Variants in CD40 observed in about 807,000 individuals in gnomAD.
CD40 encodes the protein tumor necrosis factor receptor superfamily member 5.
Under a neutral mutation model 38.5 loss-of-function variants are expected in CD40, and 19 were observed. The observed-to-expected ratio is 0.49, with a 90% CI of 0.34 to 0.72. The LOEUF (loss-of-function observed/expected upper bound fraction) is 0.72. CD40 is among the 30% of genes least tolerant of loss of function. CD40 has a pLI of 0.01. For missense variants in CD40, 256 were observed against 344.1 expected, an observed-to-expected ratio of 0.74 and a Z score of 2.03; for synonymous variants, 130 against 128.7, an observed-to-expected ratio of 1.01 and a Z score of -0.07.
chr20:46,129,763 G>C lies in CD40; in HGVS notation c.*723G>C, dbSNP rs1340166481. The C allele has an allele frequency of 6.6e-6, 1 of 152,182 alleles. No homozygotes were observed. The highest frequency in any genetic ancestry group is 2.1e-4 in the South Asian group (1 of 4,816). The allele number at this position is 152,182 out of a possible 1,614,324, so 9.4% of individuals were successfully genotyped here. A position where few individuals can be genotyped will look rare whatever the true frequency, so the allele number is the denominator to read the frequency against. ...TCTGGGGGAGGGTTGGTTAAAGGGA[G>C]ATTTGGCTTTCCCATAATGCTTCAT... On this transcript the variant is annotated 3_prime_UTR_variant, in exon 9 of 9. Transcript: ENST00000372285.
In CD40 at chr20:46,122,367, G is replaced by A. The variant is rs760140481; in HGVS notation, c.256+9G>A. ...CAAATACTGCGACCCCAGTGCGTGC[G>A]CTGTTGGGAAAGGGACGCTTGGGAA... On this transcript the variant is annotated intron_variant, in intron 3 of 8. Transcript: ENST00000372285. The surrounding 1 kb of genome is among the most constrained non-coding windows in gnomAD (Gnocchi z 5.0). 6.2e-7 allele frequency: 1 copy of A among 1,614,168 alleles called. No homozygotes were observed. The highest frequency in any genetic ancestry group is 1.7e-5 in the Admixed American group (1 of 60,026).
intron 5 of CD40, among the ~76,000 whole-genome samples, chr20:46,125,717 G>T (rs1234113234): frequency 6.6e-6 from 1 of 152,004 alleles, no homozygotes; most frequent in Non-Finnish European, 1.5e-5. Context: ...CTATATGTTT[G>T]CTGTGTCTCC....
rs745551504 is a variant in CD40, at chr20:46,123,180, A to G, written c.458A>G (p.Asn153Ser). 18 of 1,614,194 alleles carry G rather than the reference A, an allele frequency of 1.1e-5. No homozygotes were observed. Among genetic ancestry groups the G allele is most frequent in the Non-Finnish European group, 1.4e-5 (17 of 1,180,022 alleles). ...CEPCPVGFFS[N>S]VSSAFEKCHP... ...CCCTGCCCAGTCGGCTTCTTCTCCAATGTGTCATCTGCTTTCGAAAAATGT... is the reference window on the plus strand; with the variant it reads ...CCCTGCCCAGTCGGCTTCTTCTCCAGTGTGTCATCTGCTTTCGAAAAATGT... The change falls in exon 5 of 9, where the codon AAT (asparagine) becomes AGT (serine). Residue 153 changes from asparagine (N) to serine (S), a missense_variant. Asn to Ser is a conservative substitution (Grantham distance 46, BLOSUM62 1). Coordinates refer to ENST00000372285, the MANE Select transcript of CD40 (RefSeq NM_001250.6).
intron 1 of CD40, among the ~76,000 whole-genome samples, chr20:46,119,088 G>A (rs1251551373): frequency 6.6e-6 from 1 of 152,106 alleles, no homozygotes; most frequent in Non-Finnish European, 1.5e-5. Flanking sequence ...CAGGGCTGGT[G>A]ATCAGAGGGC....
chr20:46,128,473 G>A (rs774187457), intron 8 of CD40, 115 bp downstream of exon 8: 1 of 1,196,696 alleles, frequency 8.4e-7, no homozygotes, highest in South Asian at 1.3e-5. Context: ...CCAGTGGGGT[G>A]GCAGCAGAAT....
chr20:46,120,296 C>A (rs549824309), intron 1 of CD40, among the ~76,000 whole-genome samples: 99 of 152,330 alleles, frequency 6.5e-4, no homozygotes, highest in Non-Finnish European at 1.2e-3. Context: ...CTTCGTAATC[C>A]AACCTGCAGG....
intron 5 of CD40, among the ~76,000 whole-genome samples, 169 bp downstream of exon 5, chr20:46,123,388 AT>A (rs1214531177): frequency 6.6e-6 from 1 of 151,450 alleles, no homozygotes; most frequent in Non-Finnish European, 1.5e-5. Context: ...ACATTTCCAC[AT>A]TTTTTTTGCC....
intron 4 of CD40, 22 bp from the exon 5 acceptor site, chr20:46,123,104 C>A (rs757338322): frequency 1.3e-6 from 2 of 1,579,278 alleles, no homozygotes; most frequent in South Asian, 2.2e-5. Flanking sequence ...TGGTTAATGT[C>A]CCCCTCCCCA....
At chr20:46,119,097 G>A (rs932871449) in intron 1 of CD40, among the ~76,000 whole-genome samples, 5 of 152,190 alleles carry the variant, frequency 3.3e-5, no homozygotes, top group Non-Finnish European at 5.9e-5. Context: ...TGATCAGAGG[G>A]CTGGAGAAAC....
chr20:46,122,769 T>TC lies in CD40; in HGVS notation c.403+14dup. On this transcript the variant is annotated intron_variant, in intron 4 of 8. Coordinates refer to ENST00000372285, the MANE Select transcript of CD40 (RefSeq NM_001250.6). This position sits in a 1 kb window ranked among gnomAD's most constrained non-coding sequence, Gnocchi z 5.0. Reference sequence around the variant, plus strand: ...GTCAAGCAGATTGGTAAGTGGCTCATCTGGGAATCAGTTTTGGAGGGGGAC... The same window carrying TC: ...GTCAAGCAGATTGGTAAGTGGCTCATCCTGGGAATCAGTTTTGGAGGGGGAC... 1.9e-6 allele frequency: 3 copies of TC among 1,614,078 alleles called. No homozygotes were observed. The South Asian group carries it at 3.3e-5, about 18-fold the overall frequency.
intron 5 of CD40, among the ~76,000 whole-genome samples, chr20:46,123,760 T>G (rs2085365630): frequency 6.6e-6 from 1 of 152,210 alleles, no homozygotes; most frequent in Admixed American, 6.5e-5. Flanking sequence ...TCTCCCCTCC[T>G]GCTGGTTCTG....
Position 46,124,751 on chromosome 20 carries a change from G to GTTTTTTTTTTTTTTTTTT in CD40, c.497+1548_497+1565dup, listed in dbSNP as rs780015926. Among the ~76,000 whole-genome samples, 5 of 73,938 alleles carry GTTTTTTTTTTTTTTTTTT rather than the reference G, an allele frequency of 6.8e-5. 1 individual carries two copies. Among genetic ancestry groups the GTTTTTTTTTTTTTTTTTT allele is most frequent in the Non-Finnish European group, 1.2e-4 (5 of 40,988 alleles). 48.5% of individuals were successfully genotyped at this position (73,938 alleles called of 152,430 possible). ...GATAACTGGAGGCACCACTGGTATA[G>GTTTTTTTTTTTTTTTTTT]TTTTTTTTTTTTTTTTTTTTTTTTT... On this transcript the variant is annotated intron_variant, in intron 5 of 8. Coordinates refer to ENST00000372285, the MANE Select transcript of CD40 (RefSeq NM_001250.6).
At chr20:46,121,634 G>A (rs754842166) in intron 1 of CD40, 186 bp from the exon 2 acceptor site, 20 of 665,476 alleles carry the variant, frequency 3.0e-5, no homozygotes, top group Non-Finnish European at 4.7e-5. Flanking sequence ...CTCTGGGTGC[G>A]ATTATAATCA....
At chr20:46,127,964 C>A in intron 6 of CD40, 174 bp from the exon 7 acceptor site, 1 of 1,244,142 alleles carries the variant, frequency 8.0e-7, no homozygotes, top group Non-Finnish European at 1.1e-6. Flanking sequence ...AGAAAATGTT[C>A]TGGCTCCTTT....
At chr20:46,127,683 C>T (rs1251620805) in intron 6 of CD40, among the ~76,000 whole-genome samples, 1 of 152,184 alleles carries the variant, frequency 6.6e-6, no homozygotes, top group Non-Finnish European at 1.5e-5. Flanking sequence ...ATGAGAAATA[C>T]TTTACCTTTC....
chr20:46,121,675 A>G (rs1349442938), intron 1 of CD40, 145 bp from the exon 2 acceptor site: 2 of 753,602 alleles, frequency 2.7e-6, no homozygotes, highest in African/African-American at 1.7e-5. Context: ...GAAAACAAAC[A>G]TGCCAAATAT....
intron 5 of CD40, among the ~76,000 whole-genome samples, chr20:46,126,327 C>T (rs771018724): frequency 3.3e-5 from 5 of 151,174 alleles, no homozygotes; most frequent in Non-Finnish European, 7.4e-5. Flanking sequence ...TGGATTCTGT[C>T]TCCTCTGAAC....
chr20:46,126,392 ACT>A lies in CD40; in HGVS notation c.498-246_498-245del, dbSNP rs2085436623. On this transcript the variant is annotated intron_variant, in intron 5 of 8. Transcript: ENST00000372285. ...TCACAAAGCTTGGCACTCATTATAGACTCCCCTATTTATTACTCCTTCAAGAT... is the reference window on the plus strand; with the variant it reads ...TCACAAAGCTTGGCACTCATTATAGACCCCTATTTATTACTCCTTCAAGAT... Among the ~76,000 whole-genome samples, 3 of 151,742 alleles carry A rather than the reference ACT, an allele frequency of 2.0e-5. No homozygotes were observed. The East Asian group carries it at 5.8e-4, about 29-fold the overall frequency.
chr20:46,120,601 T>A (rs1381619513), intron 1 of CD40, among the ~76,000 whole-genome samples: 4 of 152,232 alleles, frequency 2.6e-5, no homozygotes, highest in African/African-American at 9.6e-5. Context: ...ATCCTTCTTT[T>A]AAAACAAAAA....
Sources: gnomAD v4.1 joint callset for allele counts (sites outside exome capture counted in the v4.1 genomes callset) on GRCh38, gnomAD v4.1.1 for gene constraint, Gnocchi (gnomAD v3.1) non-coding constraint, MANE v1.5 for transcripts, NCBI Gene and HGNC (gene_info 2026-07-23, HGNC 2026-07-21) for gene names.